Variants in ERBB4 observed in about 807,000 individuals in gnomAD.
The protein encoded by ERBB4 is erb-b2 receptor tyrosine kinase 4.
A neutral mutation model predicts 158.0 loss-of-function variants in ERBB4; 42 were observed. The ratio of observed to expected loss-of-function variants is 0.27; its 90% CI spans 0.21 to 0.34. The LOEUF (loss-of-function observed/expected upper bound fraction) is 0.34, where lower values mean the gene tolerates loss of function less well. Ranked by LOEUF, ERBB4 falls within the 10% of genes least tolerant of loss-of-function variation. The pLI is 1.00. For synonymous variants in ERBB4, 583 were observed against 558.7 expected (o/e 1.04, Z -0.61); for missense variants, 1,333 against 1,624.1 (o/e 0.82, Z 3.08).
chr2:212,167,203 G>T (rs1335898499), intron 1 of ERBB4, among the ~76,000 whole-genome samples: 1 of 151,870 alleles, frequency 6.6e-6, no homozygotes, highest in Non-Finnish European at 1.5e-5. Flanking sequence ...TCTGACAAAG[G>T]TCTAATATCC....
intron 1 of ERBB4, among the ~76,000 whole-genome samples, chr2:212,421,317 T>C (rs1298658144): frequency 1.3e-5 from 2 of 152,170 alleles, no homozygotes; most frequent in African/African-American, 4.8e-5. Flanking sequence ...GTATTCCACA[T>C]TGTTCCTTCT....
At chr2:211,863,905 T>A (rs1051634531) in intron 3 of ERBB4, among the ~76,000 whole-genome samples, 6 of 152,160 alleles carry the variant, frequency 3.9e-5, no homozygotes, top group Non-Finnish European at 8.8e-5. Flanking sequence ...CATCATTCAA[T>A]TATCTTTTCT....
At chr2:211,487,801 A>G (rs980457565) in intron 20 of ERBB4, among the ~76,000 whole-genome samples, 1 of 152,090 alleles carries the variant, frequency 6.6e-6, no homozygotes, top group African/African-American at 2.4e-5. Flanking sequence ...TGCGGGGGTT[A>G]TGGAAAAGGA....
intron 2 of ERBB4, among the ~76,000 whole-genome samples, chr2:212,114,414 AAAG>A (rs1265205635): frequency 6.6e-6 from 1 of 152,198 alleles, no homozygotes; most frequent in Non-Finnish European, 1.5e-5. Flanking sequence ...GTTATAATTG[AAAG>A]ATGGCCAGTG....
chr2:211,941,136 C>T (rs1361542150), intron 3 of ERBB4, among the ~76,000 whole-genome samples: 2 of 152,056 alleles, frequency 1.3e-5, no homozygotes, highest in Non-Finnish European at 2.9e-5. Flanking sequence ...AAAATGGACT[C>T]TTCCGAAGAA....
At chr2:212,495,985 T>C (rs952759436) in intron 1 of ERBB4, among the ~76,000 whole-genome samples, 8 of 152,144 alleles carry the variant, frequency 5.3e-5, no homozygotes, top group South Asian at 4.1e-4. Flanking sequence ...ATATTTGGTA[T>C]TACTTGATAC....
chr2:211,685,444 G>A lies in ERBB4; in HGVS notation c.1490-6260C>T, dbSNP rs554285733. Among the ~76,000 whole-genome samples the A allele has an allele frequency of 6.5e-4, 99 of 152,222 alleles. No homozygotes were observed. In the South Asian group the frequency reaches 0.013, roughly 20 times the overall value. ...TGTAAAAAATATATTGGGTATATTT[G>A]TGTCAGTTATTTCTGAGTTTGTTTT... is the stretch of plus-strand genomic sequence containing the variant. On this transcript the variant is annotated intron_variant, in intron 12 of 27. Coordinates refer to ENST00000342788, the MANE Select transcript of ERBB4 (RefSeq NM_005235.3).
At chr2:212,183,468 T>C (rs2081932120) in intron 1 of ERBB4, among the ~76,000 whole-genome samples, 1 of 151,994 alleles carries the variant, frequency 6.6e-6, no homozygotes, top group Admixed American at 6.6e-5. Flanking sequence ...TAAAAACTGT[T>C]TCAGTTAAAA....
chr2:211,393,147 T>C (rs1329732679), intron 25 of ERBB4, among the ~76,000 whole-genome samples: 1 of 152,228 alleles, frequency 6.6e-6, no homozygotes, highest in Non-Finnish European at 1.5e-5. Context: ...ATCCTGCTTT[T>C]CTTAAGTCAG....
chr2:211,521,863 C>G (rs2371282), intron 20 of ERBB4, among the ~76,000 whole-genome samples: 12,753 of 152,190 alleles, frequency 0.084, 677 homozygotes, highest in African/African-American at 0.15. Context: ...CATCTGTTGT[C>G]AGCATGGTTT....
intron 3 of ERBB4, among the ~76,000 whole-genome samples, chr2:211,933,510 C>CATGAATT (rs1169390983): frequency 6.6e-6 from 1 of 152,016 alleles, no homozygotes; most frequent in African/African-American, 2.4e-5. Flanking sequence ...TTCGGTTACA[C>CATGAATT]ATGAATTATG....
At chr2:211,882,024 A>C (rs1000674744) in intron 3 of ERBB4, among the ~76,000 whole-genome samples, 1 of 152,182 alleles carries the variant, frequency 6.6e-6, no homozygotes, top group African/African-American at 2.4e-5. Context: ...CTTTAGCAGA[A>C]AAATATCCAG....
intron 20 of ERBB4, among the ~76,000 whole-genome samples, chr2:211,480,209 T>G (rs1256005299): frequency 6.6e-6 from 1 of 152,164 alleles, no homozygotes; most frequent in East Asian, 1.9e-4. Context: ...TTCCACCTAC[T>G]TCTCTGGCTC....
chr2:211,399,650 A>AAAAGT (rs2062992812), intron 25 of ERBB4, among the ~76,000 whole-genome samples: 1 of 151,838 alleles, frequency 6.6e-6, no homozygotes, highest in South Asian at 2.1e-4. Context: ...AAGTATTTTT[A>AAAAGT]AAAGTATTCT....
intron 5 of ERBB4, among the ~76,000 whole-genome samples, chr2:211,735,221 T>TAA (rs1402049917): frequency 3.4e-4 from 33 of 97,414 alleles, no homozygotes; most frequent in African/African-American, 1.8e-3. Context: ...TCACATGAAT[T>TAA]TAAAAAAAAA....
chr2:211,861,324 CGTGTT>C, intron 3 of ERBB4, among the ~76,000 whole-genome samples: 1 of 110,580 alleles, frequency 9.0e-6, no homozygotes, highest in East Asian at 2.8e-4. Context: ...TCAGTCCAGG[CGTGTT>C]TTTTTTTTTG....
At chr2:212,241,987 T>A (rs1013569217) in intron 1 of ERBB4, among the ~76,000 whole-genome samples, 1 of 151,906 alleles carries the variant, frequency 6.6e-6, no homozygotes, top group Non-Finnish European at 1.5e-5. Flanking sequence ...TGAAAAAAAA[T>A]TCAAATATGA....
rs1260855932 is a variant in ERBB4 at position 212,247,811 on chromosome 2, A to T, written c.83-122908T>A. Among the ~76,000 whole-genome samples, 5 of 152,132 alleles carry T rather than the reference A, an allele frequency of 3.3e-5. No individual in the cohort carries two copies. The East Asian group carries it at 9.6e-4, about 29-fold the overall frequency. ...AAACCCCATCTCTGCTGAAAATACA[A>T]AAATTAGCTGGGCATGTTGGCGGGA... On this transcript the variant is annotated intron_variant, in intron 1 of 27. Transcript: ENST00000342788.
chr2:212,112,194 C>T (rs2125542389), intron 2 of ERBB4, among the ~76,000 whole-genome samples: 1 of 152,190 alleles, frequency 6.6e-6, no homozygotes, highest in East Asian at 1.9e-4. Context: ...AACAAGGTCT[C>T]ACTTTGCTGC....
Sources: allele counts gnomAD v4.1 joint callset (sites outside exome capture counted in the v4.1 genomes callset), GRCh38; gene constraint gnomAD v4.1.1; transcripts MANE v1.5; gene names NCBI Gene and HGNC (gene_info 2026-07-23, HGNC 2026-07-21).